Variants in ZDHHC3 observed in about 807,000 individuals in gnomAD.
ZDHHC3 encodes the protein palmitoyltransferase ZDHHC3.
In ZDHHC3, 9 loss-of-function variants were observed where a neutral mutation model predicts 30.6. The observed-to-expected ratio is 0.29, with a 90% confidence interval of 0.18 to 0.51. The LOEUF (loss-of-function observed/expected upper bound fraction) is 0.51, where lower values mean the gene tolerates loss of function less well. ZDHHC3 is among the 20% of genes least tolerant of loss of function. The pLI is 0.97. For synonymous variants in ZDHHC3, 136 were observed against 140.2 expected, an observed-to-expected ratio of 0.97 and a Z score of 0.21; for missense variants, 246 against 384.2, an observed-to-expected ratio of 0.64 and a Z score of 3.01.
chr3:44,973,004 T>C (rs1196899623), intron 1 of ZDHHC3, among the ~76,000 whole-genome samples: 2 of 152,224 alleles, frequency 1.3e-5, no homozygotes, highest in Non-Finnish European at 2.9e-5. Flanking sequence ...TAAGCTCTTA[T>C]TCTGCTCATA....
intron 1 of ZDHHC3, among the ~76,000 whole-genome samples, chr3:44,965,868 T>C (rs1704903292): frequency 6.6e-6 from 1 of 152,146 alleles, no homozygotes; most frequent in South Asian, 2.1e-4. Context: ...AACCAAATCT[T>C]TGGAAGCACC....
intron 1 of ZDHHC3, among the ~76,000 whole-genome samples, chr3:44,964,724 C>G (rs1704784181): frequency 6.6e-6 from 1 of 152,130 alleles, no homozygotes; most frequent in Non-Finnish European, 1.5e-5. Flanking sequence ...GCCTGAGTCT[C>G]ATTTTGGTGG....
intron 6 of ZDHHC3, among the ~76,000 whole-genome samples, chr3:44,928,171 T>C (rs1283438953): frequency 2.0e-5 from 3 of 152,184 alleles, no homozygotes; most frequent in African/African-American, 4.8e-5. Flanking sequence ...ATCTATACCA[T>C]TGGCTACTAG....
chr3:44,926,370 T>G lies in ZDHHC3; in HGVS notation c.*319A>C. 9.5e-7 allele frequency: 1 copy of G among 1,050,346 alleles called. No individual in the cohort carries two copies. The highest frequency in any genetic ancestry group is 4.3e-5 in the South Asian group (1 of 23,226). The allele number at this position is 1,050,346 out of a possible 1,614,324, so 65.1% of individuals were successfully genotyped here. A position where few individuals can be genotyped will look rare whatever the true frequency, so the allele number is the denominator to read the frequency against. On this transcript the variant is annotated 3_prime_UTR_variant, in exon 7 of 7. Coordinates refer to ENST00000424952, the MANE Select transcript of ZDHHC3 (RefSeq NM_001135179.2). ...GTCATGTCTCACTCAGTTAGTAGAATGGGCACAGCGCGAGACAGCGCCCTC... is the reference window on the plus strand; with the variant it reads ...GTCATGTCTCACTCAGTTAGTAGAAGGGGCACAGCGCGAGACAGCGCCCTC...
Position 44,919,804 on chromosome 3 carries a change from A to C in ZDHHC3, c.*6885T>G. ...TGAAAGGTACATGGGAACTCTTTGT[A>C]CTGTTTTTGTCACATTTTTGTAAGT... On this transcript the variant is annotated 3_prime_UTR_variant, in exon 7 of 7. Transcript: ENST00000424952. The C allele has an allele frequency of 1.2e-6, 1 of 863,270 alleles. No homozygotes were observed. The highest frequency in any genetic ancestry group is 1.4e-6 in the Non-Finnish European group (1 of 718,552). The allele number at this position is 863,270 out of a possible 1,614,324, so 53.5% of individuals were successfully genotyped here.
intron 2 of ZDHHC3, among the ~76,000 whole-genome samples, chr3:44,956,034 T>G (rs1056925048): frequency 2.0e-5 from 3 of 152,206 alleles, no homozygotes; most frequent in African/African-American, 7.2e-5. Flanking sequence ...TCTCACTGCT[T>G]TGGGATTGGA....
At chr3:44,947,258 T>C (rs1007162607) in intron 2 of ZDHHC3, among the ~76,000 whole-genome samples, 1 of 151,988 alleles carries the variant, frequency 6.6e-6, no homozygotes, top group Non-Finnish European at 1.5e-5. Flanking sequence ...TCAGTTAGGG[T>C]ATGCTGAGTC....
At chr3:44,962,836 A>G (rs1390762354) in intron 1 of ZDHHC3, among the ~76,000 whole-genome samples, 1 of 152,074 alleles carries the variant, frequency 6.6e-6, no homozygotes, top group East Asian at 1.9e-4. Flanking sequence ...CATATCCTCT[A>G]TTTACTACTG....
At chr3:44,935,080 C>G (rs1181220273) in intron 3 of ZDHHC3, among the ~76,000 whole-genome samples, 1 of 152,056 alleles carries the variant, frequency 6.6e-6, no homozygotes, top group African/African-American at 2.4e-5. Flanking sequence ...ACAAGCGTCC[C>G]GGACTACTAG....
At chr3:44,935,137 A>C (rs1422795499) in intron 3 of ZDHHC3, among the ~76,000 whole-genome samples, 1 of 152,136 alleles carries the variant, frequency 6.6e-6, no homozygotes, top group African/African-American at 2.4e-5. Flanking sequence ...AGAAAGACTC[A>C]TTTGCCATGA....
Position 44,918,267 on chromosome 3 carries a change from A to G in ZDHHC3, c.*8422T>C. ...GGGCGGGGTGTCCACGGCATGGGTA[A>G]GATGGGGTCTGAGTGGGCAGTCTGT... On this transcript the variant is annotated 3_prime_UTR_variant, in exon 7 of 7. Coordinates refer to ENST00000424952, the MANE Select transcript of ZDHHC3 (RefSeq NM_001135179.2). 3 of 1,207,966 alleles carry G rather than the reference A, an allele frequency of 2.5e-6. No homozygotes were observed. Among genetic ancestry groups the G allele is most frequent in the Non-Finnish European group, 3.2e-6 (3 of 947,444 alleles). 74.8% of individuals were successfully genotyped at this position (1,207,966 alleles called of 1,614,324 possible).
chr3:44,959,107 C>A lies in ZDHHC3; in HGVS notation c.306+24G>T. On this transcript the variant is annotated intron_variant, in intron 2 of 6. Transcript: ENST00000424952. This position sits in a 1 kb window ranked among gnomAD's most constrained non-coding sequence, Gnocchi z 4.3. ...CCAGAGGAGGAGAGTGTGGGCTGGT[C>A]AAAACAAGCCCAGACATACTCACGG... 1.2e-6 allele frequency: 2 copies of A among 1,612,200 alleles called. No homozygotes were observed. The highest frequency in any genetic ancestry group is 2.2e-5 in the South Asian group (2 of 90,790).
intron 2 of ZDHHC3, among the ~76,000 whole-genome samples, chr3:44,955,760 T>C (rs1315434986): frequency 1.3e-5 from 2 of 152,074 alleles, no homozygotes; most frequent in African/African-American, 2.4e-5. Flanking sequence ...AGCAGTGCCT[T>C]AGGAGCTCCC....
In ZDHHC3 at chr3:44,945,405, C is replaced by T. The variant is rs972906137; in HGVS notation, c.307-113G>A. 4 of 1,399,150 alleles carry T rather than the reference C, an allele frequency of 2.9e-6. No individual in the cohort carries two copies. In the South Asian group the frequency reaches 3.9e-5, roughly 14 times the overall value. 86.7% of individuals were successfully genotyped at this position (1,399,150 alleles called of 1,614,324 possible). A position where few individuals can be genotyped will look rare whatever the true frequency, so the allele number is the denominator to read the frequency against. ...CAACCACACACACACATGGACAGGA[C>T]ACTTTGATACCAACAACATGTGGAC... On this transcript the variant is annotated intron_variant, in intron 2 of 6. Transcript: ENST00000424952.
chr3:44,945,419 C>A (rs1702831796), intron 2 of ZDHHC3, 127 bp from the exon 3 acceptor site: 1 of 1,338,296 alleles, frequency 7.5e-7, no homozygotes, highest in Non-Finnish European at 1.0e-6. Context: ...TTGATACCAA[C>A]AACATGTGGA....
chr3:44,939,812 A>T (rs1702284526), intron 3 of ZDHHC3, among the ~76,000 whole-genome samples: 1 of 152,226 alleles, frequency 6.6e-6, no homozygotes, highest in African/African-American at 2.4e-5. Context: ...TTAGAAAAAT[A>T]AACACCGCAG....
At position 44,923,385 on chromosome 3, in the gene ZDHHC3, G is replaced by A. The variant is rs1048416361; in HGVS notation, c.*3304C>T. 189 of 985,254 alleles carry A rather than the reference G, an allele frequency of 1.9e-4. No individual in the cohort carries two copies. Among genetic ancestry groups the A allele is most frequent in the Middle Eastern group, 5.2e-4 (1 of 1,936 alleles). The allele number at this position is 985,254 out of a possible 1,614,324, so 61.0% of individuals were successfully genotyped here. The stretch of plus-strand genomic sequence containing the variant: ...GGGATGTCCACAGTGAGAAGTGTCC[G>A]CGCCCGGCTTAAAATGTTTGTTAAT... On this transcript the variant is annotated 3_prime_UTR_variant, in exon 7 of 7. Coordinates refer to ENST00000424952, the MANE Select transcript of ZDHHC3 (RefSeq NM_001135179.2).
At chr3:44,937,827 G>T in intron 3 of ZDHHC3, 1 of 436,556 alleles carries the variant, frequency 2.3e-6, no homozygotes. Context: ...CAAAGCAATT[G>T]GTGACTGGAA....
At chr3:44,974,659 G>T (rs1418922044) in intron 1 of ZDHHC3, among the ~76,000 whole-genome samples, 1 of 152,158 alleles carries the variant, frequency 6.6e-6, no homozygotes, top group African/African-American at 2.4e-5. Flanking sequence ...TCCCTGGAAG[G>T]CAAAGTCCAA....
Sources: gnomAD v4.1 joint callset for allele counts (sites outside exome capture counted in the v4.1 genomes callset) on GRCh38, gnomAD v4.1.1 for gene constraint, Gnocchi (gnomAD v3.1) non-coding constraint, MANE v1.5 for transcripts, NCBI Gene and HGNC (gene_info 2026-07-23, HGNC 2026-07-21) for gene names.